Variants in SNTB1 observed in about 807,000 individuals in gnomAD.
The protein encoded by SNTB1 is beta-1-syntrophin.
In SNTB1, 36 loss-of-function variants were observed where a neutral mutation model predicts 48.9. That is an observed-to-expected ratio of 0.74 (90% CI 0.56 to 0.97). The LOEUF (loss-of-function observed/expected upper bound fraction) is 0.97, where lower values mean the gene tolerates loss of function less well. Among genes scored for constraint, SNTB1 ranks in the 50% least tolerant of loss-of-function variants. The probability of loss-of-function intolerance (pLI) is 0.00; values close to 1 mark genes in which losing one functional copy is unlikely to be tolerated. For missense variants in SNTB1, 786 were observed against 703.4 expected, an observed-to-expected ratio of 1.12 and a Z score of -1.33; for synonymous variants, 299 against 294.6, an observed-to-expected ratio of 1.01 and a Z score of -0.15.
At position 120,568,820 on chromosome 8, in the gene SNTB1, T is replaced by C. The variant is rs899848558; in HGVS notation, c.1136+6266A>G. Among the ~76,000 whole-genome samples, 21 of 152,312 alleles carry C rather than the reference T, an allele frequency of 1.4e-4. No homozygotes were observed. The East Asian group carries it at 3.9e-3, about 28-fold the overall frequency. On this transcript the variant is annotated intron_variant, in intron 4 of 6. Transcript: ENST00000517992. Reference sequence around the variant, plus strand: ...CCTAATTGTATCATTCCTCATAGGGTTAATATCCACACAGAATAAGATTTC... The same window carrying C: ...CCTAATTGTATCATTCCTCATAGGGCTAATATCCACACAGAATAAGATTTC...
At chr8:120,801,972 TC>T (rs1820234024) in intron 1 of SNTB1, among the ~76,000 whole-genome samples, 1 of 152,130 alleles carries the variant, frequency 6.6e-6, no homozygotes, top group Admixed American at 6.6e-5. Context: ...TTCTCATTTT[TC>T]CCTGCATTGA....
At chr8:120,675,483 T>G (rs1587080937) in intron 2 of SNTB1, among the ~76,000 whole-genome samples, 1 of 152,180 alleles carries the variant, frequency 6.6e-6, no homozygotes, top group East Asian at 1.9e-4. Context: ...TGTGTCAGAG[T>G]GGATACATGC....
chr8:120,740,059 CT>C (rs1267726792), intron 1 of SNTB1, among the ~76,000 whole-genome samples: 19 of 152,154 alleles, frequency 1.2e-4, no homozygotes, highest in Non-Finnish European at 2.5e-4. Context: ...CAGTTACTTG[CT>C]TCTTTTCCAT....
At chr8:120,709,738 T>C (rs1290502436) in intron 1 of SNTB1, among the ~76,000 whole-genome samples, 1 of 152,112 alleles carries the variant, frequency 6.6e-6, no homozygotes, top group Non-Finnish European at 1.5e-5. Context: ...AGTCTGCCTT[T>C]TGGAATCAGA....
chr8:120,546,831 T>TA (rs1815389318), intron 5 of SNTB1, among the ~76,000 whole-genome samples: 3 of 152,178 alleles, frequency 2.0e-5, no homozygotes, highest in African/African-American at 7.2e-5. Context: ...TATATACCTA[T>TA]ATATGTAAGT....
At chr8:120,753,554 C>T (rs746124694) in intron 1 of SNTB1, among the ~76,000 whole-genome samples, 1 of 152,158 alleles carries the variant, frequency 6.6e-6, no homozygotes, top group African/African-American at 2.4e-5. Context: ...AATCTTGTCA[C>T]CTCAACAAAA....
chr8:120,566,439 C>G (rs569227922), intron 4 of SNTB1, among the ~76,000 whole-genome samples: 1 of 151,820 alleles, frequency 6.6e-6, no homozygotes, highest in Middle Eastern at 3.4e-3. Context: ...ATCTATGGAA[C>G]CGAGAACACG....
At chr8:120,709,161 A>G (rs1818423157) in intron 1 of SNTB1, among the ~76,000 whole-genome samples, 1 of 152,164 alleles carries the variant, frequency 6.6e-6, no homozygotes, top group African/African-American at 2.4e-5. Context: ...TAAAGCACCT[A>G]GAACTTGTTA....
chr8:120,743,775 C>T (rs543413942), intron 1 of SNTB1, among the ~76,000 whole-genome samples: 9 of 152,266 alleles, frequency 5.9e-5, no homozygotes, highest in African/African-American at 1.2e-4. Flanking sequence ...CACTAAAGTA[C>T]GGAGCCCACT....
intron 3 of SNTB1, among the ~76,000 whole-genome samples, chr8:120,604,966 A>G (rs1249148089): frequency 6.6e-6 from 1 of 152,204 alleles, no homozygotes. Context: ...TCATTGCTGG[A>G]TGAATGAAAA....
chr8:120,708,841 C>G (rs1818418126), intron 1 of SNTB1, among the ~76,000 whole-genome samples: 2 of 152,100 alleles, frequency 1.3e-5, no homozygotes, highest in African/African-American at 4.8e-5. Flanking sequence ...AGACTATCCA[C>G]TAGAAATAAA....
At chr8:120,695,307 T>C (rs958107879) in intron 1 of SNTB1, among the ~76,000 whole-genome samples, 1 of 152,174 alleles carries the variant, frequency 6.6e-6, no homozygotes, top group Non-Finnish European at 1.5e-5. Context: ...ACTACAGAGA[T>C]GAACAATACA....
At chr8:120,710,100 CA>C in intron 1 of SNTB1, among the ~76,000 whole-genome samples, 1 of 152,118 alleles carries the variant, frequency 6.6e-6, no homozygotes, top group Non-Finnish European at 1.5e-5. Context: ...GCAGACAGCC[CA>C]GGGGCAAGCA....
chr8:120,626,984 C>T (rs1464648570), intron 3 of SNTB1, among the ~76,000 whole-genome samples: 1 of 152,180 alleles, frequency 6.6e-6, no homozygotes, highest in East Asian at 1.9e-4. Flanking sequence ...GGGACAACTG[C>T]CTCTTTCTAG....
At chr8:120,641,056 C>G (rs1046518538) in intron 2 of SNTB1, among the ~76,000 whole-genome samples, 1 of 151,554 alleles carries the variant, frequency 6.6e-6, no homozygotes, top group Non-Finnish European at 1.5e-5. Context: ...TTTTCTTCCT[C>G]TTTCTTCATT....
intron 1 of SNTB1, among the ~76,000 whole-genome samples, chr8:120,718,181 T>G (rs1030647778): frequency 2.6e-5 from 4 of 152,222 alleles, no homozygotes; most frequent in African/African-American, 9.6e-5. Context: ...GATTGAAGGA[T>G]GCAAAGGCTC....
intron 3 of SNTB1, among the ~76,000 whole-genome samples, chr8:120,590,913 C>T (rs1225842521): frequency 2.6e-5 from 4 of 152,044 alleles, no homozygotes. Context: ...TCTTGAACTC[C>T]TGACCTCGTG....
chr8:120,599,886 T>C (rs781272918), intron 3 of SNTB1, among the ~76,000 whole-genome samples: 1 of 152,236 alleles, frequency 6.6e-6, no homozygotes, highest in Non-Finnish European at 1.5e-5. Flanking sequence ...AGGTACAGTT[T>C]GTTAAAATTT....
chr8:120,548,656 A>T, intron 5 of SNTB1, 106 bp downstream of exon 5: 1 of 953,584 alleles, frequency 1.0e-6, no homozygotes, highest in Non-Finnish European at 1.6e-6. Context: ...CTGGAATTTT[A>T]ACTATCCCCA....
Sources: gnomAD v4.1 joint callset for allele counts (sites outside exome capture counted in the v4.1 genomes callset) on GRCh38, gnomAD v4.1.1 for gene constraint, MANE v1.5 for transcripts, NCBI Gene and HGNC (gene_info 2026-07-23, HGNC 2026-07-21) for gene names.